Variants in EHMT1 observed in about 807,000 individuals in gnomAD.
The protein encoded by EHMT1 is euchromatic histone lysine methyltransferase 1, also known as histone-lysine N-methyltransferase EHMT1.
EHMT1 carries 15 observed loss-of-function variants against 147.2 expected under a neutral mutation model. The ratio of observed to expected loss-of-function variants is 0.10; its 90% CI spans 0.07 to 0.16. The LOEUF (loss-of-function observed/expected upper bound fraction) is 0.16, where lower values mean the gene tolerates loss of function less well. EHMT1 is among the 10% of genes least tolerant of loss of function. The pLI, the probability that EHMT1 is intolerant of heterozygous loss-of-function variation, is 1.00. For missense variants in EHMT1, 1,587 were observed against 1,772.4 expected (o/e 0.90, Z 1.88); for synonymous variants, 795 against 709.6 (o/e 1.12, Z -1.91).
chr9:137,757,313 C>T (rs963286660), intron 8 of EHMT1, among the ~76,000 whole-genome samples: 3 of 152,166 alleles, frequency 2.0e-5, no homozygotes, highest in Admixed American at 6.5e-5. Context: ...CTGTGGGTGT[C>T]GTGAGCCTCC....
intron 1 of EHMT1, among the ~76,000 whole-genome samples, chr9:137,657,636 C>T (rs1367470706): frequency 1.3e-5 from 2 of 151,872 alleles, no homozygotes; most frequent in Non-Finnish European, 2.9e-5. Flanking sequence ...ACTGGGGTGT[C>T]CATCACCTCA....
intron 1 of EHMT1, among the ~76,000 whole-genome samples, chr9:137,671,823 TG>T (rs1455154947): frequency 6.6e-6 from 1 of 152,194 alleles, no homozygotes; most frequent in Non-Finnish European, 1.5e-5. Flanking sequence ...CCACTGTGCC[TG>T]GGCCTGAATC....
chr9:137,740,852 G>T (rs1947993694), intron 4 of EHMT1, among the ~76,000 whole-genome samples: 1 of 152,032 alleles, frequency 6.6e-6, no homozygotes, highest in Non-Finnish European at 1.5e-5. Context: ...TCCCAGGCTG[G>T]AGTGCAGTGG....
rs1263658302 is a variant in EHMT1 at position 137,728,627 on chromosome 9, T to C, written c.823+98T>C. ...TCTGTTTGGCTGTAAGTGCCTGTGC[T>C]GCTCTTGATGAATGACTGTTGACGT... On this transcript the variant is annotated intron_variant, in intron 4 of 26. Transcript: ENST00000460843. The C allele has an allele frequency of 4.6e-6, 7 of 1,524,572 alleles. No homozygotes were observed. The Admixed American group carries it at 1.2e-4, about 26-fold the overall frequency. The allele number at this position is 1,524,572 out of a possible 1,614,324, so 94.4% of individuals were successfully genotyped here.
intron 1 of EHMT1, among the ~76,000 whole-genome samples, chr9:137,669,343 A>AAGACGCCCCCCT (rs1564562442): frequency 1.2e-3 from 9 of 7,440 alleles, no homozygotes; most frequent in Admixed American, 1.6e-3. Context: ...CGTGGACCCC[A>AAGACGCCCCCCT]CACCACCCAA....
intron 4 of EHMT1, among the ~76,000 whole-genome samples, chr9:137,740,013 T>C (rs1588461238): frequency 6.6e-6 from 1 of 152,170 alleles, no homozygotes; most frequent in Non-Finnish European, 1.5e-5. Context: ...GTTGTGGTGG[T>C]GACCACGCAG....
intron 1 of EHMT1, among the ~76,000 whole-genome samples, chr9:137,710,035 C>T (rs1309733967): frequency 5.9e-5 from 9 of 152,136 alleles, no homozygotes; most frequent in Non-Finnish European, 1.3e-4. Context: ...CTCCCTGCTG[C>T]CTCCTTATGG....
intron 1 of EHMT1, among the ~76,000 whole-genome samples, chr9:137,652,189 G>A (rs898619184): frequency 6.6e-6 from 1 of 152,156 alleles, no homozygotes; most frequent in East Asian, 1.9e-4. Flanking sequence ...AAGATGTGGA[G>A]GTGGGAGACG....
Position 137,828,621 on chromosome 9 carries a change from G to A in EHMT1, c.3541-5728G>A, listed in dbSNP as rs999319832. Reference sequence around the variant, plus strand: ...GTACCACGTCTCCCGGGCAGCCACAGATCCCACACTCACGGCCCAAGTGAC... The same window carrying A: ...GTACCACGTCTCCCGGGCAGCCACAAATCCCACACTCACGGCCCAAGTGAC... On this transcript the variant is annotated intron_variant, in intron 25 of 26. Transcript: ENST00000460843. The surrounding 1 kb of genome is among the most constrained non-coding windows in gnomAD (Gnocchi z 5.3). Among the ~76,000 whole-genome samples, 12 of 152,192 alleles carry A rather than the reference G, an allele frequency of 7.9e-5. No individual in the cohort carries two copies. The highest frequency in any genetic ancestry group is 2.4e-4 in the African/African-American group (10 of 41,444).
chr9:137,790,637 G>T (rs1475195537), intron 15 of EHMT1, among the ~76,000 whole-genome samples: 1 of 152,224 alleles, frequency 6.6e-6, no homozygotes, highest in Admixed American at 6.5e-5. Flanking sequence ...GAAGTGGAAT[G>T]AAATCTAGCA....
chr9:137,764,720 C>G (rs529355018), intron 10 of EHMT1: 1 of 152,112 alleles, frequency 6.6e-6, no homozygotes, highest in Non-Finnish European at 1.5e-5. Flanking sequence ...CTTTTTTTCT[C>G]TCTTTCTAAT....
chr9:137,627,076 G>A (rs1386109150), intron 1 of EHMT1, among the ~76,000 whole-genome samples: 2 of 152,008 alleles, frequency 1.3e-5, no homozygotes, highest in Non-Finnish European at 2.9e-5. Context: ...TCCTGCCTTC[G>A]CACCCCCTAG....
intron 1 of EHMT1, among the ~76,000 whole-genome samples, chr9:137,619,645 G>A (rs895717421): frequency 6.6e-6 from 1 of 152,116 alleles, no homozygotes; most frequent in African/African-American, 2.4e-5. Flanking sequence ...AGGAAAGCAC[G>A]CTCGGTGGGA....
chr9:137,799,352 G>A (rs532846764), intron 17 of EHMT1, among the ~76,000 whole-genome samples: 1 of 152,280 alleles, frequency 6.6e-6, no homozygotes, highest in South Asian at 2.1e-4. Flanking sequence ...CCATTTGAGG[G>A]AGGTGTCACT....
At chr9:137,666,666 G>A (rs1024704251) in intron 1 of EHMT1, among the ~76,000 whole-genome samples, 11 of 152,234 alleles carry the variant, frequency 7.2e-5, no homozygotes, top group African/African-American at 2.2e-4. Context: ...GCTGGGAACA[G>A]AGCCTCCCCC....
At chr9:137,652,828 C>A (rs767317604) in intron 1 of EHMT1, among the ~76,000 whole-genome samples, 2 of 151,666 alleles carry the variant, frequency 1.3e-5, no homozygotes, top group Non-Finnish European at 2.9e-5. Flanking sequence ...CAGGTTCAAG[C>A]GATTTTCCTG....
chr9:137,679,522 C>G (rs990145024), intron 1 of EHMT1, among the ~76,000 whole-genome samples: 4 of 152,112 alleles, frequency 2.6e-5, no homozygotes, highest in Non-Finnish European at 5.9e-5. Flanking sequence ...TCACAGAAGG[C>G]GCTGGGAGGT....
At chr9:137,762,526 C>A in intron 9 of EHMT1, 149 bp from the exon 10 acceptor site, 1 of 1,383,846 alleles carries the variant, frequency 7.2e-7, no homozygotes, top group Non-Finnish European at 9.9e-7. Context: ...CATCCCCGCC[C>A]CACGCAGGGC....
intron 3 of EHMT1, among the ~76,000 whole-genome samples, chr9:137,721,493 CCTT>C (rs1392125815): frequency 1.2e-5 from 1 of 84,794 alleles, no homozygotes; most frequent in East Asian, 3.6e-4. Flanking sequence ...ACGCCTCTCA[CCTT>C]CTCACACGCC....
Sources: allele counts gnomAD v4.1 joint callset (sites outside exome capture counted in the v4.1 genomes callset), GRCh38; gene constraint gnomAD v4.1.1; non-coding constraint Gnocchi (gnomAD v3.1); transcripts MANE v1.5; gene names NCBI Gene and HGNC (gene_info 2026-07-23, HGNC 2026-07-21).